DMXL2: variants seen among roughly 807,000 people sequenced by gnomAD.
DMXL2 encodes Dmx like 2, also known as dmX-like protein 2.
A neutral mutation model predicts 331.1 loss-of-function variants in DMXL2; 103 were observed. The ratio of observed to expected loss-of-function variants is 0.31; its 90% confidence interval spans 0.27 to 0.37. The LOEUF is 0.37. Ranked by LOEUF, DMXL2 falls within the 10% of genes least tolerant of loss-of-function variation. The pLI is 1.00. For synonymous variants in DMXL2, 1,281 were observed against 1,252.1 expected (o/e 1.02, Z -0.49); for missense variants, 3,171 against 3,642.9 (o/e 0.87, Z 3.33).
chr15:51,568,252 T>C, intron 3 of DMXL2: 1 of 392,398 alleles, frequency 2.5e-6, no homozygotes, highest in East Asian at 4.9e-5. Flanking sequence ...CTAGGGTAGA[T>C]CTCAGTTAAC....
intron 29 of DMXL2, among the ~76,000 whole-genome samples, chr15:51,468,535 C>A (rs192146756): frequency 1.3e-5 from 2 of 152,254 alleles, no homozygotes; most frequent in East Asian, 3.9e-4. Context: ...TGCTTGGGAA[C>A]CAACTCATCA....
intron 35 of DMXL2, 23 bp from the exon 36 acceptor site, chr15:51,458,650 A>G (rs2039858836): frequency 3.7e-6 from 6 of 1,613,942 alleles, no homozygotes; most frequent in South Asian, 3.3e-5. Flanking sequence ...GGCAGAATCG[A>G]TGATTTAAGC....
intron 27 of DMXL2, among the ~76,000 whole-genome samples, chr15:51,474,948 T>C (rs1037673166): frequency 6.6e-6 from 1 of 152,030 alleles, no homozygotes; most frequent in Non-Finnish European, 1.5e-5. Context: ...ATGCTAAAAT[T>C]AGCAAGTGAA....
At chr15:51,458,833 A>T in intron 34 of DMXL2, 38 bp from the exon 35 acceptor site, 1 of 1,552,864 alleles carries the variant, frequency 6.4e-7, no homozygotes, top group East Asian at 2.2e-5. Flanking sequence ...TTGCTGCAGC[A>T]CAGCTCTATT....
chr15:51,542,887 C>G (rs2048680057), intron 8 of DMXL2, among the ~76,000 whole-genome samples: 2 of 151,652 alleles, frequency 1.3e-5, no homozygotes, highest in Admixed American at 1.3e-4. Flanking sequence ...TATTGCCTCC[C>G]CAATACTGCC....
intron 17 of DMXL2, 99 bp from the exon 18 acceptor site, chr15:51,500,330 C>G: frequency 8.3e-7 from 1 of 1,202,628 alleles, no homozygotes; most frequent in East Asian, 2.6e-5. Context: ...TTTAAAGTCA[C>G]TATGAGCTTC....
intron 14 of DMXL2, among the ~76,000 whole-genome samples, chr15:51,516,282 C>G (rs2047031529): frequency 6.6e-6 from 1 of 152,128 alleles, no homozygotes; most frequent in Admixed American, 6.5e-5. Context: ...TTTACATCTC[C>G]CTCTAGGGAG....
At chr15:51,508,872 T>A (rs898866051) in intron 15 of DMXL2, among the ~76,000 whole-genome samples, 4 of 152,172 alleles carry the variant, frequency 2.6e-5, no homozygotes, top group African/African-American at 9.7e-5. Flanking sequence ...CTGATAAAAT[T>A]GGAAAATCAT....
At chr15:51,537,254 A>G (rs1163075383) in intron 11 of DMXL2, among the ~76,000 whole-genome samples, 1 of 152,170 alleles carries the variant, frequency 6.6e-6, no homozygotes, top group East Asian at 1.9e-4. Flanking sequence ...AAATCAACAC[A>G]TATATTTAAA....
intron 1 of DMXL2, among the ~76,000 whole-genome samples, chr15:51,605,910 G>A (rs1044448071): frequency 1.6e-4 from 24 of 152,160 alleles, no homozygotes; most frequent in African/African-American, 5.8e-4. Context: ...AAAAAATACT[G>A]TGAGGAATTA....
chr15:51,611,113 T>A (rs561245334), intron 1 of DMXL2, among the ~76,000 whole-genome samples: 28 of 151,456 alleles, frequency 1.8e-4, no homozygotes, highest in Non-Finnish European at 7.4e-5. Flanking sequence ...AGAAAGGAAA[T>A]AATAAATTAA....
intron 1 of DMXL2, among the ~76,000 whole-genome samples, chr15:51,578,285 TC>T (rs2051179163): frequency 1.3e-5 from 2 of 152,182 alleles, no homozygotes; most frequent in Admixed American, 6.5e-5. Flanking sequence ...ACATTATATA[TC>T]AAAAAGACAT....
At chr15:51,472,550 G>A (rs777226784) in intron 28 of DMXL2, among the ~76,000 whole-genome samples, 3 of 152,006 alleles carry the variant, frequency 2.0e-5, no homozygotes, top group Admixed American at 6.6e-5. Context: ...CCTAGCCCAT[G>A]GCAACCACAG....
chr15:51,607,818 C>A (rs1288179410), intron 1 of DMXL2, among the ~76,000 whole-genome samples: 1 of 152,022 alleles, frequency 6.6e-6, no homozygotes, highest in Non-Finnish European at 1.5e-5. Context: ...AGACTATAAT[C>A]CTCAAGGTGC....
intron 1 of DMXL2, among the ~76,000 whole-genome samples, chr15:51,580,770 G>T (rs1221044260): frequency 6.6e-6 from 1 of 151,242 alleles, no homozygotes; most frequent in African/African-American, 2.5e-5. Flanking sequence ...ACAGCTCAGA[G>T]ATAATTCTGT....
chr15:51,456,100 A>G lies in DMXL2; in HGVS notation c.8492T>C (p.Val2831Ala). The change falls in exon 39 of 44, where the codon GTT becomes GCT. Residue 2831 changes from valine to alanine, a missense_variant. This residue lies in a region of DMXL2 where 766 missense variants were observed against 940.5 expected (regional missense o/e 0.81). Coordinates refer to ENST00000560891, the MANE Select transcript of DMXL2 (RefSeq NM_001378457.1). Reference sequence around the variant, plus strand: ...TTGTGAATTAAAATATAATCTAGTAACTCTTGCATTGCCAGCTTGACGAAA... The same window carrying G: ...TTGTGAATTAAAATATAATCTAGTAGCTCTTGCATTGCCAGCTTGACGAAA... The part of the protein sequence containing the change: ...VCFRQAGNAR[V>A]TRLYFNSQGN... 6.2e-7 allele frequency: 1 copy of G among 1,613,940 alleles called. No homozygotes were observed. Among genetic ancestry groups the G allele is most frequent in the African/African-American group, 1.3e-5 (1 of 74,958 alleles).
In DMXL2 at chr15:51,480,539, C is replaced by A; in HGVS notation, c.6564+3G>T. On this transcript the variant is annotated splice_donor_region_variant and intron_variant, in intron 24 of 43. Transcript: ENST00000560891. ...AAGATTGAAAAAAAAGTGATATTCACACCTGTTGTGATTCTTGTAGCAAAA... is the reference window on the plus strand; with the variant it reads ...AAGATTGAAAAAAAAGTGATATTCAAACCTGTTGTGATTCTTGTAGCAAAA... The A allele has an allele frequency of 6.6e-7, 1 of 1,508,492 alleles. No individual in the cohort carries two copies. The highest frequency in any genetic ancestry group is 8.9e-7 in the Non-Finnish European group (1 of 1,126,624). The allele number at this position is 1,508,492 out of a possible 1,614,324, so 93.4% of individuals were successfully genotyped here.
In DMXL2 at chr15:51,549,421, C is replaced by T. The variant is rs2049074136; in HGVS notation, c.568-2013G>A. 2.6e-5 allele frequency among the ~76,000 whole-genome samples: 4 copies of T among 152,146 alleles called. No individual in the cohort carries two copies. The South Asian group carries it at 8.3e-4, about 31-fold the overall frequency. ...CAACTGCAAATTGTGCTGCTATAAA[C>T]ATGCATGTGCAAGTATCTTTTTCAT... On this transcript the variant is annotated intron_variant, in intron 6 of 43. Transcript: ENST00000560891.
chr15:51,601,268 G>C (rs139295647), intron 1 of DMXL2, among the ~76,000 whole-genome samples: 2,765 of 116,190 alleles, frequency 0.024, 40 homozygotes, highest in Middle Eastern at 0.052. Context: ...TCCAGCCTGG[G>C]TGACAAAGCA....
Sources: allele counts gnomAD v4.1 joint callset (sites outside exome capture counted in the v4.1 genomes callset), GRCh38; gene constraint gnomAD v4.1.1; regional missense constraint gnomAD v4.1.1; transcripts MANE v1.5; gene names NCBI Gene and HGNC (gene_info 2026-07-23, HGNC 2026-07-21).